NOL4: variants seen among roughly 807,000 people sequenced by gnomAD.
NOL4 encodes the protein cancer/testis antigen 125.
In NOL4, 17 loss-of-function variants were observed where a neutral mutation model predicts 75.9. The ratio of observed to expected loss-of-function variants is 0.22; its 90% confidence interval spans 0.15 to 0.34. NOL4 has a LOEUF of 0.34. Among genes scored for constraint, NOL4 ranks in the 10% least tolerant of loss-of-function variants. The pLI, the probability that NOL4 is intolerant of heterozygous loss-of-function variation, is 1.00. For synonymous variants in NOL4, 292 were observed against 289.9 expected, an observed-to-expected ratio of 1.01 and a Z score of -0.07; for missense variants, 614 against 793.5, an observed-to-expected ratio of 0.77 and a Z score of 2.72.
intron 1 of NOL4, among the ~76,000 whole-genome samples, chr18:34,212,906 C>G (rs1377764071): frequency 6.6e-6 from 1 of 152,148 alleles, no homozygotes; most frequent in Non-Finnish European, 1.5e-5. Flanking sequence ...CAGGAAAATA[C>G]TCCCTGCTTT....
intron 1 of NOL4, among the ~76,000 whole-genome samples, chr18:34,194,457 A>AAGGAAGGCAGGCAGGC (rs1301161192): frequency 6.8e-6 from 1 of 146,206 alleles, no homozygotes; most frequent in Non-Finnish European, 1.5e-5. Context: ...GGAAGGAAGG[A>AAGGAAGGCAGGCAGGC]AGGCAGGCAG....
At chr18:33,855,951 G>C (rs2144151041) in intron 10 of NOL4, among the ~76,000 whole-genome samples, 1 of 151,910 alleles carries the variant, frequency 6.6e-6, no homozygotes, top group South Asian at 2.1e-4. Flanking sequence ...TTTATCCTTA[G>C]GTAGTAGGGC....
intron 7 of NOL4, 88 bp downstream of exon 7, chr18:33,958,149 GTC>G: frequency 8.4e-7 from 1 of 1,188,178 alleles, no homozygotes; most frequent in East Asian, 2.4e-5. Context: ...AAACAAACAT[GTC>G]TCTAAAATAT....
intron 2 of NOL4, among the ~76,000 whole-genome samples, chr18:34,125,772 AT>A (rs2080357255): frequency 1.3e-5 from 2 of 152,136 alleles, no homozygotes; most frequent in East Asian, 1.9e-4. Context: ...AGACAATTTT[AT>A]TTTTTTCCAG....
chr18:33,903,213 G>A (rs192052378), intron 9 of NOL4, among the ~76,000 whole-genome samples: 24 of 152,202 alleles, frequency 1.6e-4, no homozygotes, highest in Admixed American at 8.5e-4. Context: ...AGCAAGGCAC[G>A]TCTTACATGG....
intron 10 of NOL4, among the ~76,000 whole-genome samples, chr18:33,865,194 A>G (rs1292402694): frequency 6.6e-6 from 1 of 152,144 alleles, no homozygotes; most frequent in Non-Finnish European, 1.5e-5. Context: ...GTTCCTCAGT[A>G]TCCTTAGGGA....
intron 10 of NOL4, among the ~76,000 whole-genome samples, chr18:33,863,664 G>A (rs2063289421): frequency 6.6e-6 from 1 of 152,176 alleles, no homozygotes; most frequent in Admixed American, 6.5e-5. Flanking sequence ...TCCCTCATGG[G>A]CTGGCATTGA....
At chr18:34,205,046 T>C (rs998954261) in intron 1 of NOL4, among the ~76,000 whole-genome samples, 3 of 152,172 alleles carry the variant, frequency 2.0e-5, no homozygotes, top group Non-Finnish European at 4.4e-5. Context: ...AGGCATTCCA[T>C]CCTTACTGCC....
chr18:33,937,719 A>T (rs1369008161), intron 9 of NOL4, among the ~76,000 whole-genome samples: 1 of 152,140 alleles, frequency 6.6e-6, no homozygotes, highest in African/African-American at 2.4e-5. Flanking sequence ...ATCACTTGGT[A>T]GAAGTTTCTG....
rs533229560 is a variant in NOL4, at chr18:34,033,125, T to C, written c.773-13524A>G. ...TATATACCAGATGCAGAGATATCAA[T>C]GTAAAGGCACAGGAAACATGAAAAA... On this transcript the variant is annotated intron_variant, in intron 5 of 10. Transcript: ENST00000261592. 2.0e-4 allele frequency among the ~76,000 whole-genome samples: 30 copies of C among 152,138 alleles called. No individual in the cohort carries two copies. The South Asian group carries it at 6.2e-3, about 31-fold the overall frequency.
At chr18:34,064,393 T>C (rs1285128090) in intron 5 of NOL4, among the ~76,000 whole-genome samples, 1 of 152,016 alleles carries the variant, frequency 6.6e-6, no homozygotes, top group Non-Finnish European at 1.5e-5. Context: ...TCAGAGCACA[T>C]GTCCTTTTCC....
intron 6 of NOL4, among the ~76,000 whole-genome samples, chr18:34,017,228 C>T (rs1178619231): frequency 1.3e-5 from 2 of 152,072 alleles, no homozygotes; most frequent in Non-Finnish European, 2.9e-5. Context: ...TGTACTTGTT[C>T]TAAGAAACTT....
chr18:33,891,423 G>A (rs964838845), intron 9 of NOL4, among the ~76,000 whole-genome samples: 1 of 152,118 alleles, frequency 6.6e-6, no homozygotes, highest in African/African-American at 2.4e-5. Context: ...AAGGTGCAAA[G>A]TATTCTTTCT....
intron 6 of NOL4, among the ~76,000 whole-genome samples, chr18:33,967,096 C>T (rs544039318): frequency 3.3e-5 from 5 of 152,140 alleles, no homozygotes; most frequent in South Asian, 2.1e-4. Flanking sequence ...GATACGATAA[C>T]GAAAACAGGA....
In NOL4 at chr18:33,865,560, T is replaced by TA. The variant is rs34154177; in HGVS notation, c.1724-12526dup. On this transcript the variant is annotated intron_variant, in intron 10 of 10. Coordinates refer to ENST00000261592, the MANE Select transcript of NOL4 (RefSeq NM_003787.5). The stretch of plus-strand genomic sequence containing the variant: ...TTGTATTTTATCTGGGTCACTGCTA[T>TA]AAAAAAAAAACTACATTTTATTTAT... 8.9e-3 allele frequency among the ~76,000 whole-genome samples: 1,318 copies of TA among 148,364 alleles called. 11 individuals carry two copies. Among genetic ancestry groups the TA allele is most frequent in the African/African-American group, 0.026 (1,073 of 40,656 alleles).
chr18:34,220,035 C>T (rs1176629994), intron 1 of NOL4, among the ~76,000 whole-genome samples: 2 of 152,176 alleles, frequency 1.3e-5, no homozygotes, highest in Admixed American at 6.5e-5. Context: ...TCAGTTGTAA[C>T]TTGCTCGATT....
chr18:33,979,018 T>C (rs1012727544), intron 6 of NOL4, among the ~76,000 whole-genome samples: 2 of 152,098 alleles, frequency 1.3e-5, no homozygotes, highest in African/African-American at 2.4e-5. Flanking sequence ...ATCTGAACTA[T>C]AAATTTAAAT....
At chr18:33,968,143 G>A (rs1392615103) in intron 6 of NOL4, among the ~76,000 whole-genome samples, 1 of 151,892 alleles carries the variant, frequency 6.6e-6, no homozygotes, top group Non-Finnish European at 1.5e-5. Flanking sequence ...GGATTCTGAC[G>A]AGACAGTAGA....
chr18:34,181,212 C>G (rs144232878), intron 1 of NOL4, among the ~76,000 whole-genome samples: 1 of 151,394 alleles, frequency 6.6e-6, no homozygotes, highest in East Asian at 1.9e-4. Flanking sequence ...GGTATTAGAA[C>G]GAAGATAGAC....
Sources: gnomAD v4.1 joint callset for allele counts (sites outside exome capture counted in the v4.1 genomes callset) on GRCh38, gnomAD v4.1.1 for gene constraint, MANE v1.5 for transcripts, NCBI Gene and HGNC (gene_info 2026-07-23, HGNC 2026-07-21) for gene names.